The following ACY3 variants were observed in gnomAD, a reference collection of about 807,000 sequenced individuals.
ACY3 encodes the protein aminoacylase 3.
In ACY3, 20 loss-of-function variants were observed where a neutral mutation model predicts 24.6. The ratio of observed to expected loss-of-function variants is 0.81; its 90% CI spans 0.57 to 1.18. The LOEUF is 1.18. ACY3 is among the 50% of genes most tolerant of loss of function. The pLI is 0.00. For synonymous variants in ACY3, 174 were observed against 188.4 expected (o/e 0.92, Z 0.62); for missense variants, 423 against 426.8 (o/e 0.99, Z 0.08).
chr11:67,649,872 GTGTGTGCA>G (rs942233209), intron 1 of ACY3, among the ~76,000 whole-genome samples: 5 of 150,846 alleles, frequency 3.3e-5, no homozygotes, highest in Admixed American at 6.6e-5. Flanking sequence ...GTGTGTGCAT[GTGTGTGCA>G]TGTGTGCATG....
rs745558912 is a variant in ACY3, at chr11:67,642,710, A to T, written c.*14T>A. 4 of 1,613,374 alleles carry T rather than the reference A, an allele frequency of 2.5e-6. No homozygotes were observed. In the Admixed American group the frequency reaches 6.7e-5, roughly 27 times the overall value. Reference sequence around the variant, plus strand: ...TCAGATGGGAAGACTGAGGTTGGGGAGGTGTGTCTTGGGTTAGGAAGCTGG... The same window carrying T: ...TCAGATGGGAAGACTGAGGTTGGGGTGGTGTGTCTTGGGTTAGGAAGCTGG... On this transcript the variant is annotated 3_prime_UTR_variant, in exon 8 of 8. Coordinates refer to ENST00000255082, the MANE Select transcript of ACY3 (RefSeq NM_080658.2).
rs34796596 is a variant in ACY3, at chr11:67,646,984, C to T, written c.60G>A (p.Thr20=). ...PLRRVAVTGG[T]HGNEMSGVYL... ...AGACGCCCGACATCTCGTTGCCATGCGTGCCCCCAGTCACAGCCACGCGAC... is the reference window on the plus strand; with the variant it reads ...AGACGCCCGACATCTCGTTGCCATGTGTGCCCCCAGTCACAGCCACGCGAC... Residue 20 remains threonine, a synonymous_variant, in exon 3 of 8, where the codon ACG becomes ACA. Coordinates refer to ENST00000255082, the MANE Select transcript of ACY3 (RefSeq NM_080658.2). 5,096 of 1,569,218 alleles carry T rather than the reference C, an allele frequency of 3.2e-3. 163 individuals carry two copies. The African/African-American group carries it at 0.059, about 18-fold the overall frequency.
rs202084142 is a variant in ACY3, at chr11:67,642,831, C to T, written c.853G>A (p.Glu285Lys). ...ACGCCCTTCTCATAGTAGGCAGCCT[C>T]GTTAATGAACACGGGGTACACCGTG... ...ESTVYPVFIN[E>K]AAYYEKGVAF... Residue 285 changes from glutamate to lysine, a missense_variant, in exon 8 of 8, where the codon GAG becomes AAG. Transcript: ENST00000255082. 3.2e-5 allele frequency: 51 copies of T among 1,614,022 alleles called. No homozygotes were observed. The highest frequency in any genetic ancestry group is 5.0e-5 in the Admixed American group (3 of 60,006).
chr11:67,646,096 G>A lies in ACY3; in HGVS notation c.237-209C>T, dbSNP rs548532043. On this transcript the variant is annotated intron_variant, in intron 3 of 7. Transcript: ENST00000255082. Reference sequence around the variant, plus strand: ...AAAATCCAAGCTCTCAGCCTGGCCCGCCCTCCCACCTGCCTGCCCACTTGC... The same window carrying A: ...AAAATCCAAGCTCTCAGCCTGGCCCACCCTCCCACCTGCCTGCCCACTTGC... 1.6e-3 allele frequency among the ~76,000 whole-genome samples: 238 copies of A among 152,222 alleles called. 2 individuals carry two copies. The highest frequency in any genetic ancestry group is 5.4e-3 in the African/African-American group (224 of 41,526).
intron 7 of ACY3, among the ~76,000 whole-genome samples, chr11:67,643,218 G>C (rs1327923679): frequency 6.6e-6 from 1 of 152,224 alleles, no homozygotes; most frequent in African/African-American, 2.4e-5. Context: ...TCAAATTCTT[G>C]CTAGCTGTGT....
chr11:67,644,384 T>C (rs543209800), intron 7 of ACY3, among the ~76,000 whole-genome samples: 39 of 152,236 alleles, frequency 2.6e-4, no homozygotes, highest in African/African-American at 8.2e-4. Flanking sequence ...GAGGAACCAA[T>C]TGAAAATCAG....
Position 67,642,748 on chromosome 11 carries a change from G to A in ACY3, c.936C>T (p.Thr312=). 1 of 1,614,156 alleles carries A rather than the reference G, an allele frequency of 6.2e-7. No individual in the cohort carries two copies. Among genetic ancestry groups the A allele is most frequent in the Non-Finnish European group, 8.5e-7 (1 of 1,180,034 alleles). The part of the protein sequence containing the change: ...TFTVPAMPAL[T]PAPSPAS ...GTTAGGAAGCTGGGCTCGGGGCAGG[G>A]GTCAGCGCGGGCATGGCAGGCACGG... is the stretch of plus-strand genomic sequence containing the variant. Residue 312 remains threonine, a synonymous_variant, in exon 8 of 8, where the codon ACC becomes ACT. Coordinates refer to ENST00000255082, the MANE Select transcript of ACY3 (RefSeq NM_080658.2).
At chr11:67,649,801 G>A (rs1394523273) in intron 1 of ACY3, among the ~76,000 whole-genome samples, 1 of 149,454 alleles carries the variant, frequency 6.7e-6, no homozygotes, top group East Asian at 2.0e-4. Context: ...ATGTGCATGA[G>A]AGTATTGTGT....
rs149837610 is a variant in ACY3, at chr11:67,642,757, G to A, written c.927C>T (p.Pro309=). The part of the protein sequence containing the change: ...EKFTFTVPAM[P]ALTPAPSPAS ...CTGGGCTCGGGGCAGGGGTCAGCGC[G>A]GGCATGGCAGGCACGGTGAATGTGA... Residue 309 remains proline (P), a synonymous_variant, in exon 8 of 8, where the codon CCC becomes CCT. Transcript: ENST00000255082. 126 of 1,614,152 alleles carry A rather than the reference G, an allele frequency of 7.8e-5. No individual in the cohort carries two copies. The highest frequency in any genetic ancestry group is 1.6e-4 in the Middle Eastern group (1 of 6,062).
At chr11:67,644,664 C>T in intron 7 of ACY3, 96 bp downstream of exon 7, 1 of 1,214,306 alleles carries the variant, frequency 8.2e-7, no homozygotes, top group South Asian at 1.4e-5. Flanking sequence ...CTTGGCTGCA[C>T]CCCCTGGGGC....
At chr11:67,646,737 C>A in intron 3 of ACY3, 71 bp downstream of exon 3, 2 of 1,435,786 alleles carry the variant, frequency 1.4e-6, no homozygotes, top group Non-Finnish European at 1.9e-6. Context: ...CTGCTGGTGG[C>A]GGGAGGGAAG....
rs1189590701 is a variant in ACY3, at chr11:67,645,286, C to G, written c.526+1G>C. ...CCACTTCTCAGAAGGCTGCGGCCCA[C>G]CCAGTCCATTTTTGGCCACAGAGTC... On this transcript the variant is annotated splice_donor_variant, in intron 5 of 7. Transcript: ENST00000255082. LOFTEE classifies it high-confidence loss of function. The G allele has an allele frequency of 6.2e-7, 1 of 1,613,564 alleles. No homozygotes were observed. The highest frequency in any genetic ancestry group is 8.5e-7 in the Non-Finnish European group (1 of 1,179,976).
intron 1 of ACY3, among the ~76,000 whole-genome samples, chr11:67,650,137 G>A (rs1266104290): frequency 6.6e-6 from 1 of 152,162 alleles, no homozygotes; most frequent in Non-Finnish European, 1.5e-5. Flanking sequence ...GCATGAGTGA[G>A]GGCAGAGGAT....
In ACY3 at chr11:67,645,843, C is replaced by T. The variant is rs375874587; in HGVS notation, c.281G>A (p.Arg94Gln). 2.8e-5 allele frequency: 45 copies of T among 1,613,148 alleles called. No individual in the cohort carries two copies. In the African/African-American group the frequency reaches 3.7e-4, roughly 13 times the overall value. Reference protein sequence around the residue: ...PDDPYEVTRARELNQLLGPKA... With the variant: ...PDDPYEVTRAQELNQLLGPKA... ...GGGCCCCAGCAGCTGGTTCAGCTCT[C>T]GGGCTCTTGTCACCTCATATGGGTC... The change falls in exon 4 of 8, where the codon CGA (arginine) becomes CAA (glutamine). Residue 94 changes from arginine to glutamine, a missense_variant. Coordinates refer to ENST00000255082, the MANE Select transcript of ACY3 (RefSeq NM_080658.2).
chr11:67,645,211 G>A, intron 5 of ACY3, 59 bp from the exon 6 acceptor site: 1 of 1,605,136 alleles, frequency 6.2e-7, no homozygotes, highest in Non-Finnish European at 8.5e-7. Flanking sequence ...CCTTGAAGAG[G>A]CCCTGCCCCT....
Position 67,642,747 on chromosome 11 carries a change from G to C in ACY3, c.937C>G (p.Pro313Ala). 6.2e-7 allele frequency: 1 copy of C among 1,614,160 alleles called. No homozygotes were observed. Among genetic ancestry groups the C allele is most frequent in the Non-Finnish European group, 8.5e-7 (1 of 1,180,044 alleles). ...GGTTAGGAAGCTGGGCTCGGGGCAG[G>C]GGTCAGCGCGGGCATGGCAGGCACG... Reference protein sequence around the residue: ...FTVPAMPALTPAPSPAS With the variant: ...FTVPAMPALTAAPSPAS The change falls in exon 8 of 8, where the codon CCT becomes GCT. Residue 313 changes from proline to alanine, a missense_variant. By Grantham distance (27) the Pro-to-Ala change is conservative (BLOSUM62 -1). Transcript: ENST00000255082.
At chr11:67,643,002 TGACC>T in intron 7 of ACY3, 63 bp from the exon 8 acceptor site, 1 of 1,487,820 alleles carries the variant, frequency 6.7e-7, no homozygotes. Context: ...CAGAGGGGGG[TGACC>T]CCAGCTTGAC....
chr11:67,647,848 C>G (rs183012360), intron 1 of ACY3, among the ~76,000 whole-genome samples: 1 of 152,248 alleles, frequency 6.6e-6, no homozygotes, highest in African/African-American at 2.4e-5. Flanking sequence ...AGAGGTACAC[C>G]CGCAGTGGGG....
At chr11:67,645,486 A>G in intron 4 of ACY3, 106 bp from the exon 5 acceptor site, 4 of 1,332,058 alleles carry the variant, frequency 3.0e-6, no homozygotes, top group Non-Finnish European at 4.1e-6. Flanking sequence ...CTCCTTGGCC[A>G]GGTCTCCCTC....
Sources: gnomAD v4.1 joint callset for allele counts (sites outside exome capture counted in the v4.1 genomes callset) on GRCh38, gnomAD v4.1.1 for gene constraint, MANE v1.5 for transcripts, NCBI Gene and HGNC (gene_info 2026-07-23, HGNC 2026-07-21) for gene names.